The following TANC2 variants were observed in gnomAD, a reference collection of about 807,000 sequenced individuals.
TANC2 encodes the protein protein TANC2.
TANC2 carries 26 observed loss-of-function variants against 210.5 expected under a neutral mutation model. That is an observed-to-expected ratio of 0.12 (90% CI 0.09 to 0.17). TANC2 has a LOEUF of 0.17. Ranked by LOEUF, TANC2 falls within the 10% of genes least tolerant of loss-of-function variation. TANC2 has a pLI of 1.00. For missense variants in TANC2, 2,129 were observed against 2,608.9 expected, an observed-to-expected ratio of 0.82 and a Z score of 4.01; for synonymous variants, 931 against 967.1, an observed-to-expected ratio of 0.96 and a Z score of 0.69.
rs184515381 is a variant in TANC2, at chr17:63,016,740, T to A, written c.67+7114T>A. ...ACAGTTGTGATTTTCTTCCTTTTTT[T>A]AAAATTATAGTAGGTGTGAAGTGGT... On this transcript the variant is annotated intron_variant, in intron 2 of 27. Coordinates refer to ENST00000689528, the Ensembl canonical transcript of TANC2. 4.9e-4 allele frequency among the ~76,000 whole-genome samples: 75 copies of A among 152,294 alleles called. 1 individual carries two copies. The highest frequency in any genetic ancestry group is 3.9e-3 in the Admixed American group (60 of 15,302).
intron 1 of TANC2, among the ~76,000 whole-genome samples, chr17:63,007,039 A>T (rs1445531161): frequency 1.3e-5 from 2 of 150,544 alleles, no homozygotes; most frequent in African/African-American, 4.9e-5. Flanking sequence ...TGGCCTGGGA[A>T]ACATAGTAAG....
chr17:63,388,817 G>A, intron 16 of TANC2, 60 bp downstream of exon 16: 1 of 1,324,014 alleles, frequency 7.6e-7, no homozygotes, highest in East Asian at 2.7e-5. Flanking sequence ...AATAAAACTA[G>A]AAGGACATTA....
chr17:63,176,092 A>C (rs1362807305), intron 5 of TANC2, among the ~76,000 whole-genome samples: 1 of 152,240 alleles, frequency 6.6e-6, no homozygotes, highest in African/African-American at 2.4e-5. Context: ...ACTCTCATGC[A>C]CAGCCTGGGA....
chr17:63,063,388 C>T (rs1215807120), intron 2 of TANC2, among the ~76,000 whole-genome samples: 1 of 152,132 alleles, frequency 6.6e-6, no homozygotes, highest in East Asian at 1.9e-4. Context: ...AAGTTCCTAG[C>T]TTCTAATCAT....
intron 9 of TANC2, among the ~76,000 whole-genome samples, chr17:63,279,337 A>G (rs1169379744): frequency 6.6e-6 from 1 of 152,182 alleles, no homozygotes; most frequent in East Asian, 1.9e-4. Context: ...TAACTACATT[A>G]TCATGACAGC....
chr17:63,188,206 ATGCTGAGGG>A lies in TANC2; in HGVS notation c.434-5768_434-5760del, dbSNP rs554511067. Among the ~76,000 whole-genome samples the A allele has an allele frequency of 1.7e-3, 253 of 152,060 alleles. 1 individual carries two copies. Among genetic ancestry groups the A allele is most frequent in the African/African-American group, 5.7e-3 (238 of 41,478 alleles). ...GGTGACATGCACCTGTATTCCCAGC[ATGCTGAGGG>A]TGCTGAGGGTGCTGAGTTTGAGAGG... On this transcript the variant is annotated intron_variant, in intron 5 of 27. Coordinates refer to ENST00000689528, the Ensembl canonical transcript of TANC2.
intron 21 of TANC2, among the ~76,000 whole-genome samples, chr17:63,406,604 C>T (rs2048515948): frequency 6.6e-6 from 1 of 152,164 alleles, no homozygotes; most frequent in South Asian, 2.1e-4. Context: ...TTTATCAATT[C>T]TTTTGTAAGC....
intron 2 of TANC2, among the ~76,000 whole-genome samples, chr17:63,065,575 A>T (rs1457661064): frequency 6.6e-6 from 1 of 152,100 alleles, no homozygotes; most frequent in African/African-American, 2.4e-5. Flanking sequence ...AGCAACATTT[A>T]TCTTTTGTCT....
chr17:63,296,739 A>T (rs1262872329), intron 9 of TANC2, among the ~76,000 whole-genome samples: 1 of 152,228 alleles, frequency 6.6e-6, no homozygotes, highest in East Asian at 1.9e-4. Flanking sequence ...AAAAGGAAAC[A>T]AATAGAAATT....
At chr17:63,313,595 A>G (rs762881490) in intron 9 of TANC2, 1 of 152,184 alleles carries the variant, frequency 6.6e-6, no homozygotes. Flanking sequence ...TAAGCCAAAA[A>G]TTATTTTTTA....
chr17:63,009,440 A>G, intron 1 of TANC2, 97 bp from the exon 2 acceptor site: 3 of 747,710 alleles, frequency 4.0e-6, no homozygotes, highest in Non-Finnish European at 6.6e-6. Context: ...GTACCCTTTA[A>G]GTTATTAAAA....
chr17:63,080,774 A>G (rs946554473), intron 3 of TANC2, among the ~76,000 whole-genome samples: 3 of 152,184 alleles, frequency 2.0e-5, no homozygotes, highest in Non-Finnish European at 2.9e-5. Context: ...AATTATTTCA[A>G]TATTCAGTGT....
Position 63,420,182 on chromosome 17 carries a change from G to T in TANC2, c.4452G>T (p.Gln1484His), listed in dbSNP as rs1325516815. 1.9e-6 allele frequency: 3 copies of T among 1,584,334 alleles called. No homozygotes were observed. The East Asian group carries it at 6.9e-5, about 36-fold the overall frequency. Reference sequence around the variant, plus strand: ...CGGAAGAAGCAGAACCTGAGCCACAGCATGAAGACATATACTCTGTACAGG... The same window carrying T: ...CGGAAGAAGCAGAACCTGAGCCACATCATGAAGACATATACTCTGTACAGG... Residue 1484 changes from glutamine (Q) to histidine (H), a missense_variant, in exon 28 of 28, where the codon CAG (glutamine) becomes CAT (histidine). Physicochemically the swap from Gln to His is conservative, Grantham distance 24. Coordinates refer to ENST00000689528, the Ensembl canonical transcript of TANC2. The surrounding 1 kb of genome is among the most constrained non-coding windows in gnomAD (Gnocchi z 4.2).
chr17:63,051,964 T>C (rs2035598340), intron 2 of TANC2, among the ~76,000 whole-genome samples: 1 of 152,192 alleles, frequency 6.6e-6, no homozygotes, highest in Non-Finnish European at 1.5e-5. Context: ...GACATAACCC[T>C]GTCGTAAGGT....
intron 2 of TANC2, among the ~76,000 whole-genome samples, chr17:63,052,290 T>A (rs1018811598): frequency 6.6e-5 from 10 of 152,210 alleles, no homozygotes; most frequent in Admixed American, 2.0e-4. Context: ...AAGATACAGA[T>A]AATTAATTTT....
At chr17:63,009,144 C>A (rs920378467) in intron 1 of TANC2, among the ~76,000 whole-genome samples, 1 of 151,674 alleles carries the variant, frequency 6.6e-6, no homozygotes, top group African/African-American at 2.4e-5. Flanking sequence ...TTTTAATTTT[C>A]ATTTTTAATT....
At chr17:63,045,222 A>C (rs1208847579) in intron 2 of TANC2, among the ~76,000 whole-genome samples, 1 of 152,242 alleles carries the variant, frequency 6.6e-6, no homozygotes, top group African/African-American at 2.4e-5. Context: ...TAGTCGTGAC[A>C]GGGAGCATAT....
chr17:63,292,046 C>T (rs139005439), intron 9 of TANC2, among the ~76,000 whole-genome samples: 4 of 152,080 alleles, frequency 2.6e-5, no homozygotes, highest in Non-Finnish European at 4.4e-5. Context: ...TTAAGGTAAG[C>T]GAGATAAATT....
chr17:63,216,464 A>G lies in TANC2; in HGVS notation c.769+15507A>G, dbSNP rs558120604. 1.3e-3 allele frequency among the ~76,000 whole-genome samples: 198 copies of G among 152,290 alleles called. 1 individual carries two copies. The highest frequency in any genetic ancestry group is 4.5e-3 in the African/African-American group (185 of 41,554). ...TAAAGTGCATTCCTGAGTCCTGTGA[A>G]CCATTCCAGCAAATTATTGAACTCG... is the stretch of plus-strand genomic sequence containing the variant. On this transcript the variant is annotated intron_variant, in intron 7 of 27. Transcript: ENST00000689528.
Sources: allele counts gnomAD v4.1 joint callset (sites outside exome capture counted in the v4.1 genomes callset), GRCh38; gene constraint gnomAD v4.1.1; non-coding constraint Gnocchi (gnomAD v3.1); transcripts MANE v1.5; gene names NCBI Gene and HGNC (gene_info 2026-07-23, HGNC 2026-07-21).